Variants in CD74 observed in about 807,000 individuals in gnomAD.
The protein encoded by CD74 is HLA class II histocompatibility antigen gamma chain.
CD74 carries 20 observed loss-of-function variants against 37.1 expected under a neutral mutation model. That is an observed-to-expected ratio of 0.54 (90% CI 0.38 to 0.78). The LOEUF is 0.78. Among genes scored for constraint, CD74 ranks in the 30% least tolerant of loss-of-function variants. The pLI is 0.00. For missense variants in CD74, 338 were observed against 389.5 expected (o/e 0.87, Z 1.11); for synonymous variants, 150 against 152.0 (o/e 0.99, Z 0.10).
Position 150,401,825 on chromosome 5 carries a change from A to T in CD74, c.*415T>A, listed in dbSNP as rs923729745. The T allele has an allele frequency of 6.6e-5, 42 of 637,148 alleles. No homozygotes were observed. The highest frequency in any genetic ancestry group is 1.1e-4 in the Non-Finnish European group (39 of 354,078). 39.5% of individuals were successfully genotyped at this position (637,148 alleles called of 1,614,324 possible). On this transcript the variant is annotated 3_prime_UTR_variant, in exon 9 of 9. Transcript: ENST00000009530. ...AGCCTGCAGGTAAATAGGCTAGAAA[A>T]GCCAAGGCCAAAGGCTGGAGGGGAG...
At position 150,404,756 on chromosome 5, in the gene CD74, G is replaced by A. The variant is rs115854050; in HGVS notation, c.549C>T (p.Ser183=). ...CAAACAGGAGCCAATGGTGCATCCA[G>A]CTCTCAAAGACCTAATACGGATAGA... ...METIDWKVFE[S]WMHHWLLFEM... The change falls in exon 6 of 9, where the codon AGC becomes AGT. Residue 183 remains serine, a synonymous_variant. Coordinates refer to ENST00000009530, the MANE Select transcript of CD74 (RefSeq NM_001025159.3). 1.3e-6 allele frequency: 2 copies of A among 1,578,094 alleles called. No individual in the cohort carries two copies. Among genetic ancestry groups the A allele is most frequent in the African/African-American group, 2.7e-5 (2 of 74,334 alleles).
At chr5:150,406,219 G>A (rs758592249) in intron 4 of CD74, 40 bp downstream of exon 4, 1 of 1,545,670 alleles carries the variant, frequency 6.5e-7, no homozygotes. Flanking sequence ...AGGGTCCTGG[G>A]TGGGCAGGCA....
rs1277560343 is a variant in CD74, at chr5:150,402,287, C to A, written c.881-37G>T. On this transcript the variant is annotated intron_variant, in intron 8 of 8. Transcript: ENST00000009530. The surrounding 1 kb of genome is among the most constrained non-coding windows in gnomAD (Gnocchi z 4.2). ...AGCAGCAGGTTGAGGTTGGGGTCAC[C>A]CATTTGTTGTCCCTGCCCCTTTCTA... The A allele has an allele frequency of 1.3e-6, 2 of 1,489,596 alleles. No homozygotes were observed. The highest frequency in any genetic ancestry group is 2.3e-5 in the East Asian group (1 of 43,414). The allele number at this position is 1,489,596 out of a possible 1,614,324, so 92.3% of individuals were successfully genotyped here. A position where few individuals can be genotyped will look rare whatever the true frequency, so the allele number is the denominator to read the frequency against.
chr5:150,406,151 G>T, intron 4 of CD74, 108 bp downstream of exon 4: 1 of 799,770 alleles, frequency 1.3e-6, no homozygotes, highest in Non-Finnish European at 2.2e-6. Flanking sequence ...AATCCAGAGA[G>T]CACATGTTGA....
In CD74 at chr5:150,403,397, T is replaced by A. The variant is rs1035083487; in HGVS notation, c.626-85A>T. On this transcript the variant is annotated intron_variant, in intron 6 of 8. Coordinates refer to ENST00000009530, the MANE Select transcript of CD74 (RefSeq NM_001025159.3). This position sits in a 1 kb window ranked among gnomAD's most constrained non-coding sequence, Gnocchi z 4.5. ...GCAGAGCTAAAGACCCACACACCAC[T>A]GCTGTGGGCTTAATGCCTTCTTCCC... 8.4e-7 allele frequency: 1 copy of A among 1,185,766 alleles called. No individual in the cohort carries two copies. Among genetic ancestry groups the A allele is most frequent in the Non-Finnish European group, 1.2e-6 (1 of 800,826 alleles). The allele number at this position is 1,185,766 out of a possible 1,614,324, so 73.5% of individuals were successfully genotyped here. A position where few individuals can be genotyped will look rare whatever the true frequency, so the allele number is the denominator to read the frequency against.
chr5:150,410,302 AG>A (rs1770266393), intron 1 of CD74, among the ~76,000 whole-genome samples: 1 of 152,142 alleles, frequency 6.6e-6, no homozygotes, highest in Admixed American at 6.6e-5. Flanking sequence ...AGGAGGCCTA[AG>A]AACCTAGAGA....
intron 1 of CD74, among the ~76,000 whole-genome samples, chr5:150,411,931 G>A (rs1770362777): frequency 6.6e-6 from 1 of 152,162 alleles, no homozygotes; most frequent in Non-Finnish European, 1.5e-5. Flanking sequence ...CTGGGATCTT[G>A]AACATTTTCA....
Position 150,403,338 on chromosome 5 carries a change from A to G in CD74, c.626-26T>C. The G allele has an allele frequency of 6.2e-7, 1 of 1,605,672 alleles. No homozygotes were observed. The highest frequency in any genetic ancestry group is 8.5e-7 in the Non-Finnish European group (1 of 1,172,430). Reference sequence around the variant, plus strand: ...CTGAAGCGACAGGCATGATGAGGACACAGTGAGTGAGTGAGCTCTGAACCA... The same window carrying G: ...CTGAAGCGACAGGCATGATGAGGACGCAGTGAGTGAGTGAGCTCTGAACCA... On this transcript the variant is annotated intron_variant, in intron 6 of 8. Transcript: ENST00000009530. This position sits in a 1 kb window ranked among gnomAD's most constrained non-coding sequence, Gnocchi z 4.5.
chr5:150,405,836 A>C (rs1038596209), intron 4 of CD74: 2 of 151,338 alleles, frequency 1.3e-5, no homozygotes, highest in African/African-American at 5.0e-5. Flanking sequence ...CAGTGGCGTG[A>C]TGATCTCGGC....
Position 150,403,097 on chromosome 5 carries a change from C to A in CD74, c.817+24G>T, listed in dbSNP as rs2151169451. 1 of 1,599,920 alleles carries A rather than the reference C, an allele frequency of 6.3e-7. No individual in the cohort carries two copies. Among genetic ancestry groups the A allele is most frequent in the African/African-American group, 1.3e-5 (1 of 74,808 alleles). On this transcript the variant is annotated intron_variant, in intron 7 of 8. Transcript: ENST00000009530. The surrounding 1 kb of genome is among the most constrained non-coding windows in gnomAD (Gnocchi z 4.5). ...TTCCTAGTCCTTCCTGGTCCTCTGACACTGGCACAGTGCCACTGCTTACCA... is the reference window on the plus strand; with the variant it reads ...TTCCTAGTCCTTCCTGGTCCTCTGAAACTGGCACAGTGCCACTGCTTACCA...
rs2151167669 is a variant in CD74, at chr5:150,402,670, A to C, written c.818-45T>G. On this transcript the variant is annotated intron_variant, in intron 7 of 8. Coordinates refer to ENST00000009530, the MANE Select transcript of CD74 (RefSeq NM_001025159.3). This position sits in a 1 kb window ranked among gnomAD's most constrained non-coding sequence, Gnocchi z 4.2. Reference sequence around the variant, plus strand: ...CCGTTTGTCACTTGAAGTGCAGCCTACCTGACCCAAGATGCCTGAGGGCAG... The same window carrying C: ...CCGTTTGTCACTTGAAGTGCAGCCTCCCTGACCCAAGATGCCTGAGGGCAG... 1 of 1,532,780 alleles carries C rather than the reference A, an allele frequency of 6.5e-7. No homozygotes were observed. Among genetic ancestry groups the C allele is most frequent in the Non-Finnish European group, 8.9e-7 (1 of 1,121,458 alleles). The allele number at this position is 1,532,780 out of a possible 1,614,324, so 94.9% of individuals were successfully genotyped here.
At chr5:150,409,167 G>A (rs1258636929) in intron 1 of CD74, among the ~76,000 whole-genome samples, 3 of 151,936 alleles carry the variant, frequency 2.0e-5, no homozygotes, top group Non-Finnish European at 4.4e-5. Flanking sequence ...AGGTTGCAGT[G>A]AGCCGAGATC....
At chr5:150,411,395 C>A (rs1028532906) in intron 1 of CD74, among the ~76,000 whole-genome samples, 2 of 152,206 alleles carry the variant, frequency 1.3e-5, no homozygotes, top group Non-Finnish European at 2.9e-5. Context: ...GGCCACAGCT[C>A]TAATGGTCTG....
chr5:150,407,433 G>T lies in CD74; in HGVS notation c.126-109C>A. 1 of 817,470 alleles carries T rather than the reference G, an allele frequency of 1.2e-6. No homozygotes were observed. Among genetic ancestry groups the T allele is most frequent in the Non-Finnish European group, 1.9e-6 (1 of 529,328 alleles). 50.6% of individuals were successfully genotyped at this position (817,470 alleles called of 1,614,324 possible). A position where few individuals can be genotyped will look rare whatever the true frequency, so the allele number is the denominator to read the frequency against. On this transcript the variant is annotated intron_variant, in intron 1 of 8. Transcript: ENST00000009530. The surrounding 1 kb of genome is among the most constrained non-coding windows in gnomAD (Gnocchi z 4.4). ...ACCCCCATCTCCATTAGACCCCTAA[G>T]CCACCCCTAATAAACAATGCATTTG...
At position 150,403,183 on chromosome 5, in the gene CD74, C is replaced by G; in HGVS notation, c.755G>C (p.Cys252Ser). ...QCYGSIGYCW[C>S]VFPNGTEVPN... ...GACCTCCGTGCCGTTGGGGAAGACA[C>G]ACCAGCAGTAGCCGATGCTCCCATA... Residue 252 changes from cysteine to serine, a missense_variant, in exon 7 of 9, where the codon TGT (cysteine) becomes TCT (serine). Transcript: ENST00000009530. The surrounding 1 kb of genome is among the most constrained non-coding windows in gnomAD (Gnocchi z 4.5). 1 of 1,614,052 alleles carries G rather than the reference C, an allele frequency of 6.2e-7. No homozygotes were observed. Among genetic ancestry groups the G allele is most frequent in the Non-Finnish European group, 8.5e-7 (1 of 1,179,904 alleles).
At position 150,402,543 on chromosome 5, in the gene CD74, C is replaced by T. The variant is rs1414883126; in HGVS notation, c.880+20G>A. The T allele has an allele frequency of 1.2e-6, 2 of 1,609,506 alleles. No homozygotes were observed. The highest frequency in any genetic ancestry group is 2.2e-5 in the South Asian group (2 of 90,980). On this transcript the variant is annotated intron_variant, in intron 8 of 8. Transcript: ENST00000009530. The surrounding 1 kb of genome is among the most constrained non-coding windows in gnomAD (Gnocchi z 4.2). The stretch of plus-strand genomic sequence containing the variant: ...GGGATGAGCTGCTGGTGACCAGATG[C>T]CCCTCTGCAAGGCCCTTACCTGGGC...
chr5:150,407,170 G>A lies in CD74; in HGVS notation c.280C>T (p.Arg94Cys), dbSNP rs1411086716. 12 of 1,613,828 alleles carry A rather than the reference G, an allele frequency of 7.4e-6. No individual in the cohort carries two copies. Among genetic ancestry groups the A allele is most frequent in the African/African-American group, 1.3e-5 (1 of 74,890 alleles). Residue 94 changes from arginine to cysteine, a missense_variant, in exon 2 of 9, where the codon CGC becomes TGC. Transcript: ENST00000009530. This position sits in a 1 kb window ranked among gnomAD's most constrained non-coding sequence, Gnocchi z 4.4. ...TSQNLQLENLRMKLPKPPKPV... is the reference protein window; with the variant it reads ...TSQNLQLENLCMKLPKPPKPV... ...CACGCACGCTTGGGAAGCTTCATGCGCAGGTTCTCCAGCTGCAGGTTCTGG... is the reference window on the plus strand; with the variant it reads ...CACGCACGCTTGGGAAGCTTCATGCACAGGTTCTCCAGCTGCAGGTTCTGG...
chr5:150,403,922 C>G lies in CD74; in HGVS notation c.626-610G>C, dbSNP rs1276798035. ...TGGAATTGCACTTGCGATTCTGATTCTAGAGAAAAGCAATGGGCACCTTGG... is the reference window on the plus strand; with the variant it reads ...TGGAATTGCACTTGCGATTCTGATTGTAGAGAAAAGCAATGGGCACCTTGG... On this transcript the variant is annotated intron_variant, in intron 6 of 8. Coordinates refer to ENST00000009530, the MANE Select transcript of CD74 (RefSeq NM_001025159.3). This position sits in a 1 kb window ranked among gnomAD's most constrained non-coding sequence, Gnocchi z 4.5. Among the ~76,000 whole-genome samples the G allele has an allele frequency of 6.6e-6, 1 of 152,212 alleles. No homozygotes were observed. Among genetic ancestry groups the G allele is most frequent in the Non-Finnish European group, 1.5e-5 (1 of 68,042 alleles).
In CD74 at chr5:150,401,675, G is replaced by A; in HGVS notation, c.*565C>T. On this transcript the variant is annotated 3_prime_UTR_variant, in exon 9 of 9. Transcript: ENST00000009530. The stretch of plus-strand genomic sequence containing the variant: ...ACCTTTTATTCTAATGTGAACCATG[G>A]CCCTGAAAGCTGATAACAAGCTTGG... The A allele has an allele frequency of 1.9e-6, 1 of 525,798 alleles. No homozygotes were observed. The highest frequency in any genetic ancestry group is 3.4e-6 in the Non-Finnish European group (1 of 294,008). The allele number at this position is 525,798 out of a possible 1,614,324, so 32.6% of individuals were successfully genotyped here.
Sources: gnomAD v4.1 joint callset for allele counts (sites outside exome capture counted in the v4.1 genomes callset) on GRCh38, gnomAD v4.1.1 for gene constraint, Gnocchi (gnomAD v3.1) non-coding constraint, MANE v1.5 for transcripts, NCBI Gene and HGNC (gene_info 2026-07-23, HGNC 2026-07-21) for gene names.